The following SORCS1 variants were observed in gnomAD, a reference collection of about 807,000 sequenced individuals.
SORCS1 encodes the protein sortilin related VPS10 domain containing receptor 1.
In SORCS1, 60 loss-of-function variants were observed where a neutral mutation model predicts 146.1. That is an observed-to-expected ratio of 0.41 (90% confidence interval 0.33 to 0.51). The LOEUF (loss-of-function observed/expected upper bound fraction) is 0.51, where lower values mean the gene tolerates loss of function less well. SORCS1 is among the 20% of genes least tolerant of loss of function. The pLI is 0.21. For missense variants in SORCS1, 1,352 were observed against 1,487.6 expected (o/e 0.91, Z 1.50); for synonymous variants, 637 against 584.0 (o/e 1.09, Z -1.31).
At chr10:107,158,633 C>T (rs773987015) in intron 1 of SORCS1, among the ~76,000 whole-genome samples, 26 of 152,126 alleles carry the variant, frequency 1.7e-4, no homozygotes, top group African/African-American at 5.3e-4. Context: ...GGTACAAGAC[C>T]GAGAGCTCAT....
chr10:106,973,379 A>G (rs1955869604), intron 1 of SORCS1, among the ~76,000 whole-genome samples: 1 of 152,204 alleles, frequency 6.6e-6, no homozygotes, highest in African/African-American at 2.4e-5. Context: ...CACCAGTGAA[A>G]TTTAGAAACC....
chr10:106,620,571 A>G lies in SORCS1; in HGVS notation c.2663-10T>C. On this transcript the variant is annotated splice_polypyrimidine_tract_variant and intron_variant, in intron 19 of 25. Transcript: ENST00000263054. Reference sequence around the variant, plus strand: ...ACGTGCTCCAAGGGACCTGAGGCACAAGAGAAAGAGAGGCCATGGATGGGG... The same window carrying G: ...ACGTGCTCCAAGGGACCTGAGGCACGAGAGAAAGAGAGGCCATGGATGGGG... The G allele has an allele frequency of 2.5e-6, 4 of 1,612,794 alleles. No homozygotes were observed. The highest frequency in any genetic ancestry group is 3.4e-6 in the Non-Finnish European group (4 of 1,179,162).
chr10:106,578,503 G>A (rs1844698138), intron 25 of SORCS1: 1 of 227,854 alleles, frequency 4.4e-6, no homozygotes, highest in Non-Finnish European at 7.3e-6. Flanking sequence ...CAAACATTAT[G>A]CCTCTTGTCC....
chr10:106,946,080 G>A (rs1954327786), intron 2 of SORCS1, among the ~76,000 whole-genome samples: 1 of 152,142 alleles, frequency 6.6e-6, no homozygotes, highest in Admixed American at 6.5e-5. Context: ...GGAATTTCTC[G>A]AGGTCACGTA....
chr10:106,605,050 A>G (rs1237703127), intron 23 of SORCS1, among the ~76,000 whole-genome samples: 3 of 152,242 alleles, frequency 2.0e-5, no homozygotes, highest in African/African-American at 4.8e-5. Context: ...CCTGTGTTCT[A>G]ACAAAATAGA....
intron 2 of SORCS1, among the ~76,000 whole-genome samples, chr10:106,882,356 T>C (rs1164279249): frequency 6.6e-6 from 1 of 152,146 alleles, no homozygotes; most frequent in African/African-American, 2.4e-5. Flanking sequence ...TCAAAGCCAT[T>C]CTGGACTGTG....
At position 106,718,286 on chromosome 10, in the gene SORCS1, T is replaced by C. The variant is rs560838742; in HGVS notation, c.1025-8945A>G. Among the ~76,000 whole-genome samples the C allele has an allele frequency of 2.6e-5, 4 of 152,308 alleles. No individual in the cohort carries two copies. The South Asian group carries it at 8.3e-4, about 32-fold the overall frequency. The stretch of plus-strand genomic sequence containing the variant: ...TCATATACAAAGTCACACTCAATCA[T>C]GGAGAACTGAGAAGCACATCACATA... On this transcript the variant is annotated intron_variant, in intron 6 of 25. Transcript: ENST00000263054.
rs574184607 is a variant in SORCS1 at position 107,114,958 on chromosome 10, AAAC to A, written c.558+49008_558+49010del. Among the ~76,000 whole-genome samples, 57 of 152,222 alleles carry A rather than the reference AAAC, an allele frequency of 3.7e-4. No individual in the cohort carries two copies. The East Asian group carries it at 9.6e-3, about 26-fold the overall frequency. ...GTCAGTTGCATTTCTATCACCTAAC[AAAC>A]AACTATATCCAAATTGAGATACAGA... is the stretch of plus-strand genomic sequence containing the variant. On this transcript the variant is annotated intron_variant, in intron 1 of 25. Transcript: ENST00000263054.
chr10:106,901,108 A>G (rs1951683188), intron 2 of SORCS1, among the ~76,000 whole-genome samples: 1 of 152,166 alleles, frequency 6.6e-6, no homozygotes, highest in Non-Finnish European at 1.5e-5. Context: ...AAAATAGCTG[A>G]GCCTGGCAAC....
At chr10:106,658,212 C>T (rs1426875527) in intron 17 of SORCS1, among the ~76,000 whole-genome samples, 4 of 152,024 alleles carry the variant, frequency 2.6e-5, no homozygotes, top group South Asian at 2.1e-4. Context: ...GCCTGACATG[C>T]GCCCTGAACC....
intron 1 of SORCS1, among the ~76,000 whole-genome samples, chr10:107,106,645 C>A (rs922493755): frequency 7.2e-5 from 11 of 152,034 alleles, no homozygotes; most frequent in Admixed American, 6.5e-4. Context: ...CCTTTTTAAC[C>A]ATATTTTCAA....
chr10:107,005,204 A>G (rs948465526), intron 1 of SORCS1, among the ~76,000 whole-genome samples: 1 of 152,080 alleles, frequency 6.6e-6, no homozygotes, highest in Admixed American at 6.5e-5. Context: ...TCGCACCTAT[A>G]ATCCCAGCAC....
chr10:106,773,998 C>T (rs1004979834), intron 4 of SORCS1, among the ~76,000 whole-genome samples: 1 of 152,048 alleles, frequency 6.6e-6, no homozygotes, highest in Admixed American at 6.6e-5. Context: ...GCCCCTTACC[C>T]CATTTGTAGA....
rs567783312 is a variant in SORCS1, at chr10:107,094,197, C to G, written c.558+69772G>C. Among the ~76,000 whole-genome samples, 3 of 151,838 alleles carry G rather than the reference C, an allele frequency of 2.0e-5. No homozygotes were observed. The South Asian group carries it at 6.3e-4, about 32-fold the overall frequency. On this transcript the variant is annotated intron_variant, in intron 1 of 25. Coordinates refer to ENST00000263054, the MANE Select transcript of SORCS1 (RefSeq NM_052918.5). Reference sequence around the variant, plus strand: ...AAGGCAAACATTTTTTTTTAATTCCCTCCTACACCCCCAGCACTCAAACAG... The same window carrying G: ...AAGGCAAACATTTTTTTTTAATTCCGTCCTACACCCCCAGCACTCAAACAG...
chr10:106,963,730 T>C (rs1356932151), intron 1 of SORCS1, among the ~76,000 whole-genome samples: 1 of 152,204 alleles, frequency 6.6e-6, no homozygotes, highest in African/African-American at 2.4e-5. Context: ...ACAAGAGCTT[T>C]CTTTAGAAGA....
chr10:106,909,073 C>T (rs750983272), intron 2 of SORCS1, among the ~76,000 whole-genome samples: 6 of 152,196 alleles, frequency 3.9e-5, no homozygotes, highest in African/African-American at 7.2e-5. Flanking sequence ...ACAACAGCCA[C>T]TAAGCAAGCA....
intron 1 of SORCS1, among the ~76,000 whole-genome samples, chr10:107,154,008 C>CTTTTTTTTT (rs71025579): frequency 2.3e-3 from 215 of 93,942 alleles, no homozygotes; most frequent in Non-Finnish European, 3.0e-3. Context: ...CTTTTCTTTT[C>CTTTTTTTTT]TTTTTTTTTT....
At chr10:106,950,844 T>C (rs1268018984) in intron 2 of SORCS1, among the ~76,000 whole-genome samples, 1 of 152,020 alleles carries the variant, frequency 6.6e-6, no homozygotes, top group African/African-American at 2.4e-5. Flanking sequence ...GAGGATGTAA[T>C]AACACATGTC....
chr10:106,792,203 C>T (rs1463659591), intron 3 of SORCS1, among the ~76,000 whole-genome samples: 1 of 152,182 alleles, frequency 6.6e-6, no homozygotes, highest in Non-Finnish European at 1.5e-5. Context: ...AGCTCGAAGA[C>T]AATTAAGAAA....
Sources: allele counts gnomAD v4.1 joint callset (sites outside exome capture counted in the v4.1 genomes callset), GRCh38; gene constraint gnomAD v4.1.1; transcripts MANE v1.5; gene names NCBI Gene and HGNC (gene_info 2026-07-23, HGNC 2026-07-21).